The following NCS1 variants were observed in gnomAD, a reference collection of about 807,000 sequenced individuals.
NCS1 encodes neuronal calcium sensor 1, also known as frequenin homolog.
Under a neutral mutation model 28.4 loss-of-function variants are expected in NCS1, and 6 were observed. That is an observed-to-expected ratio of 0.21 (90% CI 0.12 to 0.42). The LOEUF is 0.42. Among genes scored for constraint, NCS1 ranks in the 10% least tolerant of loss-of-function variants. The pLI, the probability that NCS1 is intolerant of heterozygous loss-of-function variation, is 1.00. For missense variants in NCS1, 131 were observed against 241.4 expected, an observed-to-expected ratio of 0.54 and a Z score of 3.03; for synonymous variants, 86 against 99.3, an observed-to-expected ratio of 0.87 and a Z score of 0.79.
intron 1 of NCS1, 60 bp downstream of exon 1, chr9:130,172,787 C>T: frequency 2.2e-6 from 2 of 923,762 alleles, no homozygotes; most frequent in South Asian, 5.0e-5. Flanking sequence ...ACCGCCCCCG[C>T]CCCCGCCCCC....
rs781788403 is a variant in NCS1, at chr9:130,223,062, C to A, written c.397-20C>A. The A allele has an allele frequency of 2.5e-6, 4 of 1,608,938 alleles. No individual in the cohort carries two copies. In the Admixed American group the frequency reaches 6.7e-5, roughly 27 times the overall value. On this transcript the variant is annotated intron_variant, in intron 5 of 7. Transcript: ENST00000372398. ...AGCCCAGAGTGCCAGGGCCCACCCC[C>A]GCCTTGTCCGTCCCTGCAGGGGAAT...
At chr9:130,222,806 A>G in intron 5 of NCS1, 68 bp downstream of exon 5, 1 of 1,501,314 alleles carries the variant, frequency 6.7e-7, no homozygotes, top group African/African-American at 1.4e-5. Context: ...AGAGACAGAG[A>G]GAGAGCACTT....
chr9:130,221,425 G>A (rs1288444754), intron 4 of NCS1, among the ~76,000 whole-genome samples: 1 of 89,512 alleles, frequency 1.1e-5, no homozygotes, highest in East Asian at 2.5e-4. Flanking sequence ...GAGAGAGAGA[G>A]AGAGAGAGAG....
At position 130,234,802 on chromosome 9, in the gene NCS1, G is replaced by A. The variant is rs1833556802; in HGVS notation, c.*1830G>A. On this transcript the variant is annotated 3_prime_UTR_variant, in exon 8 of 8. Transcript: ENST00000372398. This position sits in a 1 kb window ranked among gnomAD's most constrained non-coding sequence, Gnocchi z 6.1. ...ACCCTTGAGCGCTCTTTGGGACCCA[G>A]AAGGAGTCCTTGCACAGGGAAGGCT... 2.0e-5 allele frequency: 3 copies of A among 152,254 alleles called. No homozygotes were observed. The allele number at this position is 152,254 out of a possible 1,614,324, so 9.4% of individuals were successfully genotyped here. A position where few individuals can be genotyped will look rare whatever the true frequency, so the allele number is the denominator to read the frequency against.
At position 130,172,404 on chromosome 9, in the gene NCS1, A is replaced by G. The variant is rs1554904135; in HGVS notation, c.-260A>G. 6.8e-6 allele frequency among the ~76,000 whole-genome samples: 1 copy of G among 146,328 alleles called. No individual in the cohort carries two copies. The highest frequency in any genetic ancestry group is 2.5e-5 in the African/African-American group (1 of 40,702). The stretch of plus-strand genomic sequence containing the variant: ...GCAGCGAGCATGTGCCGCGGAGCCC[A>G]GTAACCAGGGACGACCGCGGCCACA... On this transcript the variant is annotated 5_prime_UTR_variant, in exon 1 of 8. Transcript: ENST00000372398.
intron 2 of NCS1, among the ~76,000 whole-genome samples, chr9:130,213,396 G>A (rs374966928): frequency 6.6e-6 from 1 of 151,900 alleles, no homozygotes; most frequent in African/African-American, 2.4e-5. Flanking sequence ...TCCTGCCTCA[G>A]CCTCCTGAGT....
Position 130,217,983 on chromosome 9 carries a change from T to A in NCS1, c.228+13T>A. On this transcript the variant is annotated intron_variant, in intron 3 of 7. Coordinates refer to ENST00000372398, the MANE Select transcript of NCS1 (RefSeq NM_014286.4). ...TGATGAAAACAAGGTGAGCTGGGGA[T>A]TGATGGGGCCTGCGGCAGCTGGCTC... is the stretch of plus-strand genomic sequence containing the variant. The A allele has an allele frequency of 6.2e-7, 1 of 1,614,102 alleles. No homozygotes were observed. The highest frequency in any genetic ancestry group is 8.5e-7 in the Non-Finnish European group (1 of 1,180,022).
At chr9:130,220,709 G>C (rs563593951) in intron 4 of NCS1, among the ~76,000 whole-genome samples, 17 of 152,102 alleles carry the variant, frequency 1.1e-4, no homozygotes, top group Non-Finnish European at 2.1e-4. Context: ...TCAGTCCATC[G>C]GCAGCAAGAA....
At position 130,233,609 on chromosome 9, in the gene NCS1, T is replaced by C. The variant is rs1833529513; in HGVS notation, c.*637T>C. 9.6e-6 allele frequency: 1 copy of C among 104,520 alleles called. No homozygotes were observed. Among genetic ancestry groups the C allele is most frequent in the African/African-American group, 2.9e-5 (1 of 34,386 alleles). The allele number at this position is 104,520 out of a possible 1,614,324, so 6.5% of individuals were successfully genotyped here. A position where few individuals can be genotyped will look rare whatever the true frequency, so the allele number is the denominator to read the frequency against. On this transcript the variant is annotated 3_prime_UTR_variant, in exon 8 of 8. Coordinates refer to ENST00000372398, the MANE Select transcript of NCS1 (RefSeq NM_014286.4). The surrounding 1 kb of genome is among the most constrained non-coding windows in gnomAD (Gnocchi z 4.8). ...AGTATTGTGCTTTTTGTGGGGAAAG[T>C]GAGGTTTTTTTTTATATACATATAT...
In NCS1 at chr9:130,180,634, A is replaced by G. The variant is rs1832641084; in HGVS notation, c.64+7907A>G. ...AGTTCTGCTGTTTCCTGGCTGGGCA[A>G]TCCTGGCCAGCTCCTTACGTCTCTG... On this transcript the variant is annotated intron_variant, in intron 1 of 7. Coordinates refer to ENST00000372398, the MANE Select transcript of NCS1 (RefSeq NM_014286.4). This position sits in a 1 kb window ranked among gnomAD's most constrained non-coding sequence, Gnocchi z 4.5. Among the ~76,000 whole-genome samples the G allele has an allele frequency of 6.6e-6, 1 of 152,120 alleles. No individual in the cohort carries two copies. The highest frequency in any genetic ancestry group is 1.5e-5 in the Non-Finnish European group (1 of 68,026).
chr9:130,235,463 T>A lies in NCS1; in HGVS notation c.*2491T>A, dbSNP rs1483824143. The stretch of plus-strand genomic sequence containing the variant: ...AACCTGACCTGTGGCTGAGGGTGTC[T>A]GGGCTTAAGCATGTGGACCCCTTCG... On this transcript the variant is annotated 3_prime_UTR_variant, in exon 8 of 8. Transcript: ENST00000372398. 6.6e-6 allele frequency: 1 copy of A among 152,628 alleles called. No individual in the cohort carries two copies. The highest frequency in any genetic ancestry group is 1.5e-5 in the Non-Finnish European group (1 of 68,350). The allele number at this position is 152,628 out of a possible 1,614,324, so 9.5% of individuals were successfully genotyped here.
chr9:130,202,213 G>T (rs1194638939), intron 2 of NCS1, among the ~76,000 whole-genome samples: 2 of 152,210 alleles, frequency 1.3e-5, no homozygotes, highest in Non-Finnish European at 2.9e-5. Context: ...TCCTCTGCCT[G>T]TTGGCCTTTG....
At chr9:130,207,698 G>A (rs1833046453) in intron 2 of NCS1, among the ~76,000 whole-genome samples, 1 of 152,240 alleles carries the variant, frequency 6.6e-6, no homozygotes, top group African/African-American at 2.4e-5. Context: ...GTCCCCAGGA[G>A]AGCACAGGCC....
intron 6 of NCS1, among the ~76,000 whole-genome samples, chr9:130,225,786 G>A (rs1226752747): frequency 6.6e-6 from 1 of 152,212 alleles, no homozygotes; most frequent in Non-Finnish European, 1.5e-5. Flanking sequence ...ACCCTCTCTG[G>A]ATACCCGAGA....
At chr9:130,187,841 G>A (rs187912987) in intron 1 of NCS1, among the ~76,000 whole-genome samples, 81 of 152,224 alleles carry the variant, frequency 5.3e-4, no homozygotes, top group Non-Finnish European at 9.7e-4. Context: ...AGGTGTGACC[G>A]TGTGGCTTCT....
In NCS1 at chr9:130,219,858, G is replaced by A; in HGVS notation, c.307+55G>A. 1 of 1,578,012 alleles carries A rather than the reference G, an allele frequency of 6.3e-7. No homozygotes were observed. The highest frequency in any genetic ancestry group is 2.2e-5 in the East Asian group (1 of 44,668). ...CAGCAGCTGGAGGGCCCAGGTCAGA[G>A]GGAGGCAGCCCTCGGCCCTCACCAG... On this transcript the variant is annotated intron_variant, in intron 4 of 7. Transcript: ENST00000372398. This position sits in a 1 kb window ranked among gnomAD's most constrained non-coding sequence, Gnocchi z 5.7.
chr9:130,207,967 T>C (rs1045809987), intron 2 of NCS1, among the ~76,000 whole-genome samples: 6 of 152,122 alleles, frequency 3.9e-5, no homozygotes, highest in Non-Finnish European at 7.3e-5. Flanking sequence ...TTTATCTTAG[T>C]TCCTGCTCAC....
intron 7 of NCS1, among the ~76,000 whole-genome samples, chr9:130,231,543 C>A (rs1732458140): frequency 6.6e-6 from 1 of 151,680 alleles, no homozygotes; most frequent in African/African-American, 2.4e-5. Context: ...ACCACCACGC[C>A]CAGCTAATTT....
chr9:130,183,848 C>T (rs1455788929), intron 1 of NCS1, among the ~76,000 whole-genome samples: 2 of 149,220 alleles, frequency 1.3e-5, no homozygotes, highest in Non-Finnish European at 3.0e-5. Context: ...CTCGCTCTGT[C>T]GCCCAGGCTG....
Sources: allele counts gnomAD v4.1 joint callset (sites outside exome capture counted in the v4.1 genomes callset), GRCh38; gene constraint gnomAD v4.1.1; non-coding constraint Gnocchi (gnomAD v3.1); transcripts MANE v1.5; gene names NCBI Gene and HGNC (gene_info 2026-07-23, HGNC 2026-07-21).